The following DNM2 variants were observed in gnomAD, a reference collection of about 807,000 sequenced individuals.
DNM2 encodes dynamin-2.
DNM2 carries 15 observed loss-of-function variants against 99.0 expected under a neutral mutation model. The observed-to-expected ratio is 0.15, with a 90% confidence interval of 0.10 to 0.23. DNM2 has a LOEUF of 0.23. DNM2 is among the 10% of genes least tolerant of loss of function. The probability of loss-of-function intolerance (pLI) is 1.00; values close to 1 mark genes in which losing one functional copy is unlikely to be tolerated. For synonymous variants in DNM2, 525 were observed against 481.2 expected (o/e 1.09, Z -1.19); for missense variants, 742 against 1,189.4 (o/e 0.62, Z 5.53).
chr19:10,743,573 G>T (rs980192853), intron 1 of DNM2, among the ~76,000 whole-genome samples: 1 of 151,948 alleles, frequency 6.6e-6, no homozygotes, highest in Non-Finnish European at 1.5e-5. Context: ...CACTTTGGGA[G>T]GCGGAGGCAG....
At chr19:10,742,845 G>T (rs1360945911) in intron 1 of DNM2, among the ~76,000 whole-genome samples, 1 of 152,028 alleles carries the variant, frequency 6.6e-6, no homozygotes, top group African/African-American at 2.4e-5. Flanking sequence ...GCCCTGTGAA[G>T]GTGGAAGAAG....
chr19:10,759,152 T>C (rs959269724), intron 1 of DNM2, among the ~76,000 whole-genome samples: 13 of 152,170 alleles, frequency 8.5e-5, no homozygotes, highest in African/African-American at 2.9e-4. Context: ...AGAGATGGGG[T>C]CTTACTATCT....
Position 10,826,339 on chromosome 19 carries a change from C to T in DNM2, c.2058+1118C>T, listed in dbSNP as rs118120199. On this transcript the variant is annotated intron_variant, in intron 18 of 20. Coordinates refer to ENST00000389253, the MANE Select transcript of DNM2 (RefSeq NM_001005361.3). ...AAGTGGGAAGTGGGATTCAAACCCA[C>T]GTTTACCCTGGTTGCAACCATACCC... Among the ~76,000 whole-genome samples, 66 of 151,996 alleles carry T rather than the reference C, an allele frequency of 4.3e-4. No homozygotes were observed. The East Asian group carries it at 9.8e-3, about 23-fold the overall frequency.
intron 1 of DNM2, among the ~76,000 whole-genome samples, chr19:10,732,238 C>T (rs2069348156): frequency 6.8e-6 from 1 of 146,262 alleles, no homozygotes; most frequent in Non-Finnish European, 1.5e-5. Flanking sequence ...CAGGCATGAG[C>T]CACCGCGCCC....
chr19:10,778,308 C>T (rs2071226917), intron 5 of DNM2, among the ~76,000 whole-genome samples: 1 of 151,664 alleles, frequency 6.6e-6, no homozygotes, highest in Non-Finnish European at 1.5e-5. Context: ...GCTGGGATTA[C>T]AGGTGTGAGC....
At chr19:10,729,708 G>C (rs570616328) in intron 1 of DNM2, among the ~76,000 whole-genome samples, 1 of 152,190 alleles carries the variant, frequency 6.6e-6, no homozygotes, top group Non-Finnish European at 1.5e-5. Flanking sequence ...AACCATTACA[G>C]ATGAGGAAGA....
chr19:10,748,917 G>T (rs2070093659), intron 1 of DNM2, among the ~76,000 whole-genome samples: 1 of 152,206 alleles, frequency 6.6e-6, no homozygotes, highest in Non-Finnish European at 1.5e-5. Flanking sequence ...GGTGGAAATT[G>T]GCCCTGGAGT....
In DNM2 at chr19:10,795,920, C is replaced by A; in HGVS notation, c.1196+481C>A. 1 of 1,401,332 alleles carries A rather than the reference C, an allele frequency of 7.1e-7. No homozygotes were observed. Among genetic ancestry groups the A allele is most frequent in the Non-Finnish European group, 1.0e-6 (1 of 1,001,886 alleles). 86.8% of individuals were successfully genotyped at this position (1,401,332 alleles called of 1,614,324 possible). On this transcript the variant is annotated intron_variant, in intron 9 of 20. Transcript: ENST00000389253. The surrounding 1 kb of genome is among the most constrained non-coding windows in gnomAD (Gnocchi z 4.2). The stretch of plus-strand genomic sequence containing the variant: ...TCGGGTCACCCTGAGGGTTTCCGGG[C>A]AGTGGACTCAGGCATCCGACCCCAC...
At position 10,820,026 on chromosome 19, in the gene DNM2, G is replaced by A. The variant is rs1555715216; in HGVS notation, c.1718G>A (p.Arg573His). ...CTGCCTCTGGACAACCTCAAGATCC[G>A]TGATGTGGAGAAGGGCTTCATGTCC... ...YMLPLDNLKI[R>H]DVEKGFMSNK... is the part of the protein sequence containing the mutation. Residue 573 changes from arginine to histidine, a missense_variant, in exon 16 of 21, where the codon CGT (arginine) becomes CAT (histidine). Physicochemically the swap from Arg to His is conservative, Grantham distance 29. This residue lies in a region of DNM2 where 240 missense variants were observed against 431.3 expected (regional missense o/e 0.56). Coordinates refer to ENST00000389253, the MANE Select transcript of DNM2 (RefSeq NM_001005361.3). The surrounding 1 kb of genome is among the most constrained non-coding windows in gnomAD (Gnocchi z 4.3). 6.2e-7 allele frequency: 1 copy of A among 1,614,182 alleles called. No individual in the cohort carries two copies. Among genetic ancestry groups the A allele is most frequent in the Non-Finnish European group, 8.5e-7 (1 of 1,180,026 alleles).
At chr19:10,780,066 A>C (rs2071310126) in intron 5 of DNM2, among the ~76,000 whole-genome samples, 1 of 150,470 alleles carries the variant, frequency 6.6e-6, no homozygotes, top group Non-Finnish European at 1.5e-5. Flanking sequence ...CATTTCTTTT[A>C]CTCCTGGGTT....
chr19:10,783,035 A>C lies in DNM2; in HGVS notation c.764A>C (p.Glu255Ala). 6.2e-7 allele frequency: 1 copy of C among 1,614,052 alleles called. No homozygotes were observed. The highest frequency in any genetic ancestry group is 1.1e-5 in the South Asian group (1 of 91,092). ...GACATCCGTGCAGCACTGGCAGCTG[A>C]GAGGAAGTTCTTCCTCTCCCACCCG... ...KKDIRAALAA[E>A]RKFFLSHPAY... The change falls in exon 6 of 21, where the codon GAG becomes GCG. Residue 255 changes from glutamate to alanine, a missense_variant. By Grantham distance (107) the Glu-to-Ala change is moderately radical. Transcript: ENST00000389253.
chr19:10,797,220 C>T (rs942558623), intron 9 of DNM2, among the ~76,000 whole-genome samples, 160 bp from the exon 10 acceptor site: 3 of 151,984 alleles, frequency 2.0e-5, no homozygotes, highest in African/African-American at 4.8e-5. Flanking sequence ...CTCTTTGATC[C>T]GAAGCAGCTT....
chr19:10,825,418 C>G (rs2073110436), intron 18 of DNM2, among the ~76,000 whole-genome samples, 197 bp downstream of exon 18: 1 of 152,174 alleles, frequency 6.6e-6, no homozygotes, highest in Admixed American at 6.5e-5. Flanking sequence ...CACCTGTAAT[C>G]CCAGCACTTT....
In DNM2 at chr19:10,831,715, C is replaced by A; in HGVS notation, c.*668C>A. On this transcript the variant is annotated 3_prime_UTR_variant, in exon 21 of 21. Coordinates refer to ENST00000389253, the MANE Select transcript of DNM2 (RefSeq NM_001005361.3). This position sits in a 1 kb window ranked among gnomAD's most constrained non-coding sequence, Gnocchi z 4.3. ...GTCCCCCAGGGTGGCTGGGCTTGGGCTATGTGGGTGGTGGTGGCGGGGGGT... is the reference window on the plus strand; with the variant it reads ...GTCCCCCAGGGTGGCTGGGCTTGGGATATGTGGGTGGTGGTGGCGGGGGGT... 1.0e-6 allele frequency: 1 copy of A among 986,558 alleles called. No individual in the cohort carries two copies. 61.1% of individuals were successfully genotyped at this position (986,558 alleles called of 1,614,324 possible). A position where few individuals can be genotyped will look rare whatever the true frequency, so the allele number is the denominator to read the frequency against.
intron 5 of DNM2, among the ~76,000 whole-genome samples, chr19:10,778,527 C>T (rs2071234970): frequency 6.6e-6 from 1 of 152,054 alleles, no homozygotes; most frequent in Non-Finnish European, 1.5e-5. Flanking sequence ...TGGCATACAC[C>T]TATAGTCCCA....
At chr19:10,789,233 A>G (rs1035628130) in intron 7 of DNM2, among the ~76,000 whole-genome samples, 14 of 151,970 alleles carry the variant, frequency 9.2e-5, no homozygotes, top group African/African-American at 2.9e-4. Context: ...AACAAACAAA[A>G]CACAAGATTC....
chr19:10,793,572 T>C (rs2071827564), intron 7 of DNM2, 148 bp from the exon 8 acceptor site: 1 of 1,416,552 alleles, frequency 7.1e-7, no homozygotes, highest in Non-Finnish European at 9.9e-7. Context: ...AGCTCTTGAA[T>C]TTGGTTTATT....
At chr19:10,797,557 C>A (rs747173178) in intron 10 of DNM2, 39 bp downstream of exon 10, 1 of 1,613,176 alleles carries the variant, frequency 6.2e-7, no homozygotes, top group Non-Finnish European at 8.5e-7. Context: ...TTGTCCCCGT[C>A]CTCCCCCTCC....
chr19:10,733,190 GGT>G (rs938710046), intron 1 of DNM2, among the ~76,000 whole-genome samples: 3 of 85,668 alleles, frequency 3.5e-5, no homozygotes, highest in African/African-American at 1.7e-4. Flanking sequence ...GGGCTGGTGT[GGT>G]TTTTTTTTTT....
Sources: gnomAD v4.1 joint callset for allele counts (sites outside exome capture counted in the v4.1 genomes callset) on GRCh38, gnomAD v4.1.1 for gene constraint, gnomAD v4.1.1 regional missense constraint, Gnocchi (gnomAD v3.1) non-coding constraint, MANE v1.5 for transcripts, NCBI Gene and HGNC (gene_info 2026-07-23, HGNC 2026-07-21) for gene names.